TENM2: variants seen among roughly 807,000 people sequenced by gnomAD.
TENM2 encodes the protein teneurin-2.
In TENM2, 52 loss-of-function variants were observed where a neutral mutation model predicts 245.2. That is an observed-to-expected ratio of 0.21 (90% confidence interval 0.17 to 0.27). TENM2 has a LOEUF of 0.27. TENM2 is among the 10% of genes least tolerant of loss of function. The probability of loss-of-function intolerance (pLI) is 1.00; values close to 1 mark genes in which losing one functional copy is unlikely to be tolerated. For missense variants in TENM2, 3,046 were observed against 3,666.8 expected (o/e 0.83, Z 4.37); for synonymous variants, 1,363 against 1,438.9 (o/e 0.95, Z 1.19).
At chr5:167,320,194 T>C (rs1215915016) in intron 1 of TENM2, among the ~76,000 whole-genome samples, 1 of 152,212 alleles carries the variant, frequency 6.6e-6, no homozygotes, top group Non-Finnish European at 1.5e-5. Context: ...GCCTCAGGAA[T>C]AAAAACAGTG....
intron 2 of TENM2, among the ~76,000 whole-genome samples, chr5:167,872,006 A>G (rs1441666155): frequency 6.6e-6 from 1 of 152,098 alleles, no homozygotes; most frequent in Non-Finnish European, 1.5e-5. Context: ...AGAAAACAGC[A>G]TACCAGGGCT....
At chr5:167,424,299 AT>A (rs1763685775) in intron 2 of TENM2, among the ~76,000 whole-genome samples, 1 of 152,012 alleles carries the variant, frequency 6.6e-6, no homozygotes, top group South Asian at 2.1e-4. Context: ...TGAGTTAGAT[AT>A]ATTCCAGCAC....
At chr5:168,217,039 C>A in intron 22 of TENM2, 117 bp downstream of exon 24, 1 of 1,184,696 alleles carries the variant, frequency 8.4e-7, no homozygotes, top group Non-Finnish European at 1.2e-6. Context: ...AGATACAGAT[C>A]ACGGGGTTGT....
the TENM2 span, among the ~76,000 whole-genome samples, chr5:167,017,747 T>C: frequency 1.3e-5 from 2 of 152,202 alleles, no homozygotes; most frequent in Non-Finnish European, 1.5e-5. Flanking sequence ...TGTGAAATTA[T>C]AAAATTCATT....
chr5:167,292,715 G>T (rs1754706359), intron 1 of TENM2, among the ~76,000 whole-genome samples: 1 of 152,222 alleles, frequency 6.6e-6, no homozygotes, highest in African/African-American at 2.4e-5. Flanking sequence ...TAACCTCACA[G>T]AACCTGGCAG....
the TENM2 span, among the ~76,000 whole-genome samples, chr5:167,095,994 ACTT>A: frequency 1.3e-5 from 2 of 151,908 alleles, no homozygotes; most frequent in Non-Finnish European, 2.9e-5. Flanking sequence ...CTGGTCTTGA[ACTT>A]CTGACCTCAG....
At chr5:167,816,077 A>G (rs1302057050) in intron 2 of TENM2, among the ~76,000 whole-genome samples, 1 of 152,012 alleles carries the variant, frequency 6.6e-6, no homozygotes, top group East Asian at 1.9e-4. Context: ...CTAAAACAAC[A>G]GGGAAACAAT....
the TENM2 span, among the ~76,000 whole-genome samples, chr5:167,064,553 C>G: frequency 6.6e-6 from 1 of 151,608 alleles, no homozygotes; most frequent in Non-Finnish European, 1.5e-5. Context: ...TTCTTTTGTT[C>G]CTCATATAAT....
At chr5:167,037,677 A>G in the TENM2 span, among the ~76,000 whole-genome samples, 1 of 152,270 alleles carries the variant, frequency 6.6e-6, no homozygotes, top group East Asian at 1.9e-4. Flanking sequence ...CCACCCCAAG[A>G]TGACCACTTA....
At chr5:167,120,507 T>G in the TENM2 span, among the ~76,000 whole-genome samples, 1 of 152,182 alleles carries the variant, frequency 6.6e-6, no homozygotes. Flanking sequence ...GTCTAGAAAT[T>G]CAGAAGAGGA....
the TENM2 span, among the ~76,000 whole-genome samples, chr5:167,040,246 A>G: frequency 1.7e-4 from 26 of 152,040 alleles, no homozygotes; most frequent in African/African-American, 6.3e-4. Context: ...GCTGTTTACA[A>G]TTTCAGTGTA....
chr5:167,149,845 T>C, the TENM2 span, among the ~76,000 whole-genome samples: 1 of 152,154 alleles, frequency 6.6e-6, no homozygotes, highest in Non-Finnish European at 1.5e-5. Context: ...TCTGCTTGTA[T>C]GCTATTCTCT....
chr5:168,184,228 G>A (rs1760191789), intron 13 of TENM2, among the ~76,000 whole-genome samples: 1 of 152,204 alleles, frequency 6.6e-6, no homozygotes, highest in Non-Finnish European at 1.5e-5. Flanking sequence ...CAATGAGTAG[G>A]AAAGGTAGAT....
At chr5:167,963,821 T>C (rs1781191878) in intron 4 of TENM2, among the ~76,000 whole-genome samples, 1 of 152,168 alleles carries the variant, frequency 6.6e-6, no homozygotes. Context: ...TTGGAGGGGC[T>C]GATTAAGGAG....
the TENM2 span, among the ~76,000 whole-genome samples, chr5:167,063,106 AG>A: frequency 3.3e-5 from 5 of 152,226 alleles, no homozygotes; most frequent in Admixed American, 1.3e-4. Flanking sequence ...ACAGTTTCTC[AG>A]GTCTTTTTCA....
At chr5:167,471,089 A>G (rs1028457076) in intron 2 of TENM2, among the ~76,000 whole-genome samples, 2 of 152,238 alleles carry the variant, frequency 1.3e-5, no homozygotes, top group Admixed American at 1.3e-4. Context: ...AATCTGCAAG[A>G]CTGCGGCTTC....
chr5:168,210,287 G>A (rs555378318), intron 19 of TENM2, among the ~76,000 whole-genome samples: 36 of 152,064 alleles, frequency 2.4e-4, no homozygotes, highest in African/African-American at 8.7e-4. Context: ...CCTTCACCCC[G>A]CCCTTCTCCT....
chr5:167,266,741 G>A, the TENM2 span, among the ~76,000 whole-genome samples: 76 of 152,278 alleles, frequency 5.0e-4, 1 homozygote, highest in African/African-American at 1.7e-3. Context: ...CAAGTACCTC[G>A]TGTGTTGCAG....
intron 1 of TENM2, among the ~76,000 whole-genome samples, chr5:167,325,439 T>A (rs947839016): frequency 1.3e-5 from 2 of 152,196 alleles, no homozygotes; most frequent in African/African-American, 4.8e-5. Context: ...AGTTGCTTTG[T>A]TCCCAGGAAC....
Sources: gnomAD v4.1 joint callset for allele counts (sites outside exome capture counted in the v4.1 genomes callset) on GRCh38, gnomAD v4.1.1 for gene constraint, MANE v1.5 for transcripts, NCBI Gene and HGNC (gene_info 2026-07-23, HGNC 2026-07-21) for gene names.